Variants in BNIP2 observed in about 807,000 individuals in gnomAD.
The protein encoded by BNIP2 is BCL2 interacting protein 2, also known as BCL2/adenovirus E1B 19 kDa protein-interacting protein 2.
In BNIP2, 36 loss-of-function variants were observed where a neutral mutation model predicts 43.4. The observed-to-expected ratio is 0.83, with a 90% CI of 0.64 to 1.10. BNIP2 has a LOEUF of 1.10. Ranked by LOEUF, BNIP2 falls within the 50% of genes least tolerant of loss-of-function variation. The probability of loss-of-function intolerance (pLI) is 0.00; values close to 1 mark genes in which losing one functional copy is unlikely to be tolerated. For missense variants in BNIP2, 417 were observed against 374.1 expected, an observed-to-expected ratio of 1.11 and a Z score of -0.95; for synonymous variants, 146 against 121.0, an observed-to-expected ratio of 1.21 and a Z score of -1.35.
intron 9 of BNIP2, among the ~76,000 whole-genome samples, chr15:59,666,540 G>A (rs1437316837): frequency 1.3e-5 from 2 of 152,072 alleles, no homozygotes; most frequent in African/African-American, 4.8e-5. Flanking sequence ...GGTGGTGGGT[G>A]CCTGTAATCC....
rs1892394754 is a variant in BNIP2 at position 59,663,680 on chromosome 15, CA to C, written c.*388del. The stretch of plus-strand genomic sequence containing the variant: ...GCATATTTCTTCCATAAGACAGGTA[CA>C]CATTAAAAAATATTGCTCAATGACA... On this transcript the variant is annotated 3_prime_UTR_variant, in exon 10 of 10. Coordinates refer to ENST00000607373, the MANE Select transcript of BNIP2 (RefSeq NM_004330.4). 6.4e-6 allele frequency: 1 copy of C among 155,196 alleles called. No individual in the cohort carries two copies. Among genetic ancestry groups the C allele is most frequent in the African/African-American group, 2.4e-5 (1 of 41,570 alleles). 9.6% of individuals were successfully genotyped at this position (155,196 alleles called of 1,614,324 possible).
chr15:59,688,221 G>A (rs1019588168), intron 1 of BNIP2, among the ~76,000 whole-genome samples: 1 of 152,188 alleles, frequency 6.6e-6, no homozygotes, highest in Non-Finnish European at 1.5e-5. Flanking sequence ...CTAGTCTGCA[G>A]GGGTAACTTA....
chr15:59,687,003 C>G (rs769302346), intron 1 of BNIP2, among the ~76,000 whole-genome samples: 7 of 151,938 alleles, frequency 4.6e-5, no homozygotes, highest in African/African-American at 1.7e-4. Context: ...GGTGACAGAG[C>G]GAGACTGCAT....
rs942810930 is a variant in BNIP2, at chr15:59,662,578, T to C, written c.*1491A>G. ...ACAAAAAATATAGGAAAGTTCCCTT[T>C]TGTAACAGAAGGTTTGTAAGTACAT... On this transcript the variant is annotated 3_prime_UTR_variant, in exon 10 of 10. Transcript: ENST00000607373. The C allele has an allele frequency of 8.5e-5, 13 of 152,224 alleles. No homozygotes were observed. The highest frequency in any genetic ancestry group is 7.9e-4 in the Admixed American group (12 of 15,284). The allele number at this position is 152,224 out of a possible 1,614,324, so 9.4% of individuals were successfully genotyped here. A position where few individuals can be genotyped will look rare whatever the true frequency, so the allele number is the denominator to read the frequency against.
At position 59,660,439 on chromosome 15, in the gene BNIP2, C is replaced by A. The variant is rs1215795163; in HGVS notation, c.*3630G>T. On this transcript the variant is annotated 3_prime_UTR_variant, in exon 10 of 10. Transcript: ENST00000607373. ...CATGGAAAAAGGAAGGATGAACCTA[C>A]CGTAACATCTCTACCAATCTCATCA... The A allele has an allele frequency of 3.3e-5, 5 of 152,194 alleles. No individual in the cohort carries two copies. The highest frequency in any genetic ancestry group is 1.3e-4 in the Admixed American group (2 of 15,292). 9.4% of individuals were successfully genotyped at this position (152,194 alleles called of 1,614,324 possible). A position where few individuals can be genotyped will look rare whatever the true frequency, so the allele number is the denominator to read the frequency against.
intron 9 of BNIP2, 135 bp downstream of exon 9, chr15:59,668,757 T>C (rs1892714335): frequency 5.1e-6 from 3 of 588,024 alleles, no homozygotes; most frequent in Non-Finnish European, 5.4e-6. Flanking sequence ...TTTTCTTTGT[T>C]ACACACACAC....
At chr15:59,672,771 C>G (rs1472033205) in intron 5 of BNIP2, 32 bp from the exon 6 acceptor site, 1 of 1,535,708 alleles carries the variant, frequency 6.5e-7, no homozygotes, top group Admixed American at 1.7e-5. Context: ...GTATCACCAG[C>G]ACGATTTTAC....
intron 3 of BNIP2, 88 bp downstream of exon 3, chr15:59,680,151 CAA>C (rs1471108037): frequency 8.1e-6 from 8 of 991,832 alleles, no homozygotes; most frequent in Non-Finnish European, 9.9e-6. Context: ...AATAAAAACT[CAA>C]GTTTTTTTTT....
chr15:59,667,469 G>C (rs1595687984), intron 9 of BNIP2, among the ~76,000 whole-genome samples: 1 of 152,070 alleles, frequency 6.6e-6, no homozygotes, highest in Admixed American at 6.6e-5. Context: ...TCTATGTCAA[G>C]GTATCAATAG....
At chr15:59,674,101 C>CAA (rs1315173579) in intron 5 of BNIP2, among the ~76,000 whole-genome samples, 5 of 140,076 alleles carry the variant, frequency 3.6e-5, no homozygotes, top group Non-Finnish European at 4.5e-5. Context: ...AAAAAAAAAA[C>CAA]AAAAACAAAA....
At position 59,682,507 on chromosome 15, in the gene BNIP2, C is replaced by G. The variant is rs752938398; in HGVS notation, c.-50G>C. On this transcript the variant is annotated 5_prime_UTR_variant, in exon 2 of 10. Coordinates refer to ENST00000607373, the MANE Select transcript of BNIP2 (RefSeq NM_004330.4). ...TACAAACTCTTGATAATCCAGGGAG[C>G]CAATGTCCTATGAAGAGAGAAAAAT... The G allele has an allele frequency of 4.1e-5, 66 of 1,611,712 alleles. No individual in the cohort carries two copies. The highest frequency in any genetic ancestry group is 5.3e-5 in the Non-Finnish European group (62 of 1,179,056).
intron 5 of BNIP2, chr15:59,677,462 A>G: frequency 7.0e-7 from 1 of 1,418,792 alleles, no homozygotes; most frequent in Non-Finnish European, 9.3e-7. Context: ...AGAGCCATAG[A>G]GCAGGTGACT....
In BNIP2 at chr15:59,661,990, G is replaced by A. The variant is rs570419332; in HGVS notation, c.*2079C>T. 3 of 152,154 alleles carry A rather than the reference G, an allele frequency of 2.0e-5. No individual in the cohort carries two copies. The highest frequency in any genetic ancestry group is 4.2e-4 in the South Asian group (2 of 4,818). The allele number at this position is 152,154 out of a possible 1,614,324, so 9.4% of individuals were successfully genotyped here. ...ATCACTGTTGTCTCTGAATTTTAATGTTTAACAGAATAGTCTTCTACTTTT... is the reference window on the plus strand; with the variant it reads ...ATCACTGTTGTCTCTGAATTTTAATATTTAACAGAATAGTCTTCTACTTTT... On this transcript the variant is annotated 3_prime_UTR_variant, in exon 10 of 10. Transcript: ENST00000607373.
rs1242979624 is a variant in BNIP2 at position 59,689,247 on chromosome 15, G to T, written c.-170C>A. 3 of 1,543,320 alleles carry T rather than the reference G, an allele frequency of 1.9e-6. No individual in the cohort carries two copies. Among genetic ancestry groups the T allele is most frequent in the Non-Finnish European group, 8.7e-7 (1 of 1,146,246 alleles). Reference sequence around the variant, plus strand: ...GAGCGGAGCCCGCTCCCCTCGGTCGGCGGTGGAGACCCCGGCCCAATCCCC... The same window carrying T: ...GAGCGGAGCCCGCTCCCCTCGGTCGTCGGTGGAGACCCCGGCCCAATCCCC... On this transcript the variant is annotated 5_prime_UTR_variant, in exon 1 of 10. Transcript: ENST00000607373.
intron 9 of BNIP2, chr15:59,668,071 C>G (rs1471846518): frequency 7.8e-7 from 1 of 1,284,378 alleles, no homozygotes; most frequent in South Asian, 1.3e-5. Flanking sequence ...ATGGACTAGT[C>G]TAGATGCAAC....
At chr15:59,688,845 A>AG in intron 1 of BNIP2, 1 of 1,417,974 alleles carries the variant, frequency 7.1e-7, no homozygotes, top group Non-Finnish European at 9.3e-7. Flanking sequence ...GGAGCGGAGG[A>AG]GGGGCAAGGT....
At position 59,661,237 on chromosome 15, in the gene BNIP2, G is replaced by A. The variant is rs1226002668; in HGVS notation, c.*2832C>T. The stretch of plus-strand genomic sequence containing the variant: ...CCCAGCTACTCAGGAGGCTGAGGCA[G>A]GAGAAATGCTTGAACCCGGGAGGCA... On this transcript the variant is annotated 3_prime_UTR_variant, in exon 10 of 10. Transcript: ENST00000607373. 2.6e-5 allele frequency: 4 copies of A among 151,142 alleles called. No homozygotes were observed. Among genetic ancestry groups the A allele is most frequent in the African/African-American group, 9.8e-5 (4 of 40,878 alleles). 9.4% of individuals were successfully genotyped at this position (151,142 alleles called of 1,614,324 possible).
intron 2 of BNIP2, among the ~76,000 whole-genome samples, chr15:59,681,235 A>T (rs1170420597): frequency 1.3e-5 from 2 of 152,194 alleles, no homozygotes; most frequent in African/African-American, 4.8e-5. Flanking sequence ...AAGGCACCTG[A>T]TTATGCACTA....
intron 5 of BNIP2, chr15:59,676,907 G>A: frequency 1.2e-6 from 2 of 1,602,514 alleles, no homozygotes; most frequent in Admixed American, 3.4e-5. Flanking sequence ...GGTGTGGCTG[G>A]CAGCCTACGG....
Sources: allele counts gnomAD v4.1 joint callset (sites outside exome capture counted in the v4.1 genomes callset), GRCh38; gene constraint gnomAD v4.1.1; transcripts MANE v1.5; gene names NCBI Gene and HGNC (gene_info 2026-07-23, HGNC 2026-07-21).